The following PLAC1 variants were observed in gnomAD, a reference collection of about 807,000 sequenced individuals.
The protein encoded by PLAC1 is placenta-specific protein 1.
For missense variants in PLAC1, 136 were observed against 163.2 expected (o/e 0.83, Z 0.91); for synonymous variants, 68 against 62.1 (o/e 1.09, Z -0.44).
At chrX:134,700,198 G>T (rs1379240671) in intron 2 of PLAC1, among the ~76,000 whole-genome samples, 1 of 111,416 alleles carries the variant, frequency 9.0e-6, no homozygotes, top group Non-Finnish European at 1.9e-5. Flanking sequence ...TAACTATCTG[G>T]TTTATTTATA....
chrX:134,756,340 G>GT (rs777026246), intron 1 of PLAC1, among the ~76,000 whole-genome samples: 1,557 of 97,749 alleles, frequency 0.016, 26 homozygotes, highest in African/African-American at 0.048. Flanking sequence ...GTGCCTATAT[G>GT]TTTTTTTTTT....
intron 1 of PLAC1, among the ~76,000 whole-genome samples, chrX:134,744,395 A>G (rs2147848761): frequency 9.0e-6 from 1 of 111,714 alleles, no homozygotes; most frequent in East Asian, 2.8e-4. Flanking sequence ...AGAATAGTGG[A>G]TACCCTAGAA....
intron 1 of PLAC1, among the ~76,000 whole-genome samples, chrX:134,741,772 T>C (rs1181988876): frequency 9.1e-6 from 1 of 110,403 alleles, no homozygotes. Context: ...TTTCAGATTT[T>C]TCCAAAAGAA....
intron 1 of PLAC1, among the ~76,000 whole-genome samples, chrX:134,627,848 T>C (rs1299038936): frequency 1.8e-5 from 2 of 111,656 alleles, no homozygotes; most frequent in Non-Finnish European, 3.8e-5. Context: ...AACCAAGCTG[T>C]CCCAATTACA....
rs149734852 is a variant in PLAC1, at chrX:134,587,142, G to A, written c.-59+14909C>T. On this transcript the variant is annotated intron_variant, in intron 2 of 2. Coordinates refer to ENST00000359237, the MANE Select transcript of PLAC1 (RefSeq NM_021796.4). ...AGAGAGGAGGAAACTGAGGCCTAGA[G>A]ACTTTGGATGACTTGCTCATGCAGG... 8.1e-5 allele frequency among the ~76,000 whole-genome samples: 9 copies of A among 110,511 alleles called. No homozygotes were observed. In the East Asian group the frequency reaches 2.6e-3, roughly 31 times the overall value.
chrX:134,667,061 G>C lies in PLAC1; in HGVS notation n.175-64939C>G, dbSNP rs372790857. On this transcript the variant is annotated intron_variant and non_coding_transcript_variant, in intron 2 of 2. Transcript: ENST00000466797. ...AAGTATATCAAAGGTCAAAATGCAA[G>C]AGCCCAAACTATAAAGCTCTTAGAA... 3.1e-4 allele frequency among the ~76,000 whole-genome samples: 35 copies of C among 112,151 alleles called. No individual in the cohort carries two copies. In the East Asian group the frequency reaches 9.0e-3, roughly 29 times the overall value.
At chrX:134,578,336 C>T (rs745387227) in intron 2 of PLAC1, among the ~76,000 whole-genome samples, 21 of 103,525 alleles carry the variant, frequency 2.0e-4, no homozygotes, top group African/African-American at 7.1e-4. Context: ...TGGCGTGAAC[C>T]CGGGAGGCAG....
intron 2 of PLAC1, among the ~76,000 whole-genome samples, chrX:134,581,133 C>G (rs759170960): frequency 9.0e-6 from 1 of 111,427 alleles, no homozygotes; most frequent in Admixed American, 9.5e-5. Context: ...TCTTGCCAAG[C>G]CTGAATGTTT....
intron 1 of PLAC1, among the ~76,000 whole-genome samples, chrX:134,652,919 C>T (rs995662524): frequency 2.7e-5 from 3 of 111,978 alleles, no homozygotes; most frequent in Non-Finnish European, 5.6e-5. Context: ...GTGAGGTCCG[C>T]GGCTGCTCTC....
intron 2 of PLAC1, among the ~76,000 whole-genome samples, chrX:134,578,905 A>T (rs1037204253): frequency 5.4e-5 from 6 of 110,511 alleles, no homozygotes; most frequent in African/African-American, 2.0e-4. Flanking sequence ...ACTGCAGTCT[A>T]TGGAGGCCCT....
intron 2 of PLAC1, among the ~76,000 whole-genome samples, chrX:134,715,853 A>T (rs1040993167): frequency 2.7e-5 from 3 of 112,533 alleles, no homozygotes; most frequent in Middle Eastern, 4.7e-3. Flanking sequence ...TGTGTGTGTT[A>T]CGGAGGGGTG....
chrX:134,702,265 T>G (rs1365482757), intron 2 of PLAC1, among the ~76,000 whole-genome samples: 2 of 111,892 alleles, frequency 1.8e-5, no homozygotes, highest in Admixed American at 9.5e-5. Context: ...AAAAGAAAAC[T>G]AAATGTTCTA....
rs150420864 is a variant in PLAC1, at chrX:134,583,623, A to G, written c.-58-16883T>C. Among the ~76,000 whole-genome samples the G allele has an allele frequency of 9.1e-5, 10 of 110,465 alleles. No individual in the cohort carries two copies. In the East Asian group the frequency reaches 2.6e-3, roughly 28 times the overall value. On this transcript the variant is annotated intron_variant, in intron 2 of 2. Transcript: ENST00000359237. Reference sequence around the variant, plus strand: ...GGATTGGAGGAGTGAATGAGGTCTGAAAAACTGCACGTACAGGGCCTGGCA... The same window carrying G: ...GGATTGGAGGAGTGAATGAGGTCTGGAAAACTGCACGTACAGGGCCTGGCA...
At chrX:134,685,449 C>CTTTTTTTTTTTT (rs200498313) in intron 2 of PLAC1, among the ~76,000 whole-genome samples, 23 of 49,149 alleles carry the variant, frequency 4.7e-4, no homozygotes, top group Non-Finnish European at 6.1e-4. Context: ...AATGGCGTCC[C>CTTTTTTTTTTTT]TTTTTTTTTT....
chrX:134,574,900 G>A (rs2077929356), intron 2 of PLAC1, among the ~76,000 whole-genome samples: 1 of 111,660 alleles, frequency 9.0e-6, no homozygotes, highest in African/African-American at 3.3e-5. Flanking sequence ...ACTTAGCCCT[G>A]AGGTTGTCCA....
chrX:134,594,827 TTTCA>T (rs1202986575), intron 2 of PLAC1, among the ~76,000 whole-genome samples: 2 of 109,365 alleles, frequency 1.8e-5, no homozygotes, highest in African/African-American at 6.6e-5. Flanking sequence ...CAGGTTTTTG[TTTCA>T]TTAATTTTCT....
At chrX:134,689,310 A>G (rs188640094) in intron 2 of PLAC1, among the ~76,000 whole-genome samples, 188 of 112,395 alleles carry the variant, frequency 1.7e-3, no homozygotes, top group African/African-American at 5.8e-3. Flanking sequence ...GTCCAAATTA[A>G]TGTATTGTTC....
chrX:134,665,394 T>C (rs1404243349), intron 2 of PLAC1, among the ~76,000 whole-genome samples: 1 of 111,898 alleles, frequency 8.9e-6, no homozygotes, highest in African/African-American at 3.3e-5. Flanking sequence ...TTATTGCTGA[T>C]TAGAATTCCA....
At chrX:134,636,009 A>G (rs891357058) in intron 1 of PLAC1, among the ~76,000 whole-genome samples, 41 of 112,374 alleles carry the variant, frequency 3.6e-4, no homozygotes, top group African/African-American at 1.3e-3. Flanking sequence ...TGTGCCTTCG[A>G]TAATGACACT....
Sources: gnomAD v4.1 joint callset for allele counts (sites outside exome capture counted in the v4.1 genomes callset) on GRCh38, gnomAD v4.1.1 for gene constraint, MANE v1.5 for transcripts, NCBI Gene and HGNC (gene_info 2026-07-23, HGNC 2026-07-21) for gene names.